The following CCNB3 variants were observed in gnomAD, a reference collection of about 807,000 sequenced individuals.
CCNB3 encodes the protein cyclin B3.
In CCNB3, 12 loss-of-function variants were observed where a neutral mutation model predicts 68.0. That is an observed-to-expected ratio of 0.18 (90% CI 0.11 to 0.29). The LOEUF (loss-of-function observed/expected upper bound fraction) is 0.29, where lower values mean the gene tolerates loss of function less well. Ranked by LOEUF, CCNB3 falls within the 10% of genes least tolerant of loss-of-function variation. The pLI is 1.00. For synonymous variants in CCNB3, 354 were observed against 388.9 expected, an observed-to-expected ratio of 0.91 and a Z score of 1.06; for missense variants, 904 against 993.1, an observed-to-expected ratio of 0.91 and a Z score of 1.21.
At chrX:50,350,651 C>T (rs781841115) in intron 11 of CCNB3, among the ~76,000 whole-genome samples, 3 of 110,242 alleles carry the variant, frequency 2.7e-5, no homozygotes, top group African/African-American at 9.9e-5. Context: ...TTCCTTAGGA[C>T]TGGTGAATTT....
chrX:50,228,786 T>A (rs1176595248), intron 1 of CCNB3, among the ~76,000 whole-genome samples: 1 of 74,269 alleles, frequency 1.3e-5, no homozygotes, highest in South Asian at 6.6e-4. Flanking sequence ...ATATATAGAA[T>A]ATATATATAG....
rs782376142 is a variant in CCNB3, at chrX:50,327,136, G to C, written c.3516+13188G>C. ...CTTCTTGTCCATATTTGTTGTAGCT[G>C]CTTTAAATTACCTGGAGCACTGCCC... On this transcript the variant is annotated intron_variant, in intron 8 of 12. Transcript: ENST00000376042. Among the ~76,000 whole-genome samples the C allele has an allele frequency of 2.7e-5, 3 of 112,163 alleles. No individual in the cohort carries two copies. The East Asian group carries it at 8.4e-4, about 32-fold the overall frequency.
chrX:50,303,376 C>T (rs782510231), intron 5 of CCNB3, among the ~76,000 whole-genome samples: 2 of 110,209 alleles, frequency 1.8e-5, no homozygotes, highest in Admixed American at 9.6e-5. Flanking sequence ...AAACTCCTGA[C>T]CTCAGGTGAT....
intron 8 of CCNB3, among the ~76,000 whole-genome samples, chrX:50,326,785 CACTT>C (rs782534059): frequency 3.1e-4 from 34 of 111,388 alleles, no homozygotes; most frequent in Middle Eastern, 4.6e-3. Flanking sequence ...CATAAATAGA[CACTT>C]ACTCTGATTC....
intron 1 of CCNB3, among the ~76,000 whole-genome samples, chrX:50,214,475 CATAT>C (rs1184201216): frequency 0.13 from 1,205 of 9,474 alleles, 112 homozygotes; most frequent in African/African-American, 0.16. Context: ...AGCTGTGGCC[CATAT>C]ATATATATAT....
chrX:50,217,421 C>T (rs1261128960), intron 1 of CCNB3, among the ~76,000 whole-genome samples: 2 of 108,629 alleles, frequency 1.8e-5, no homozygotes, highest in African/African-American at 6.7e-5. Context: ...TACAGGCGTC[C>T]GCCACCACGT....
intron 1 of CCNB3, among the ~76,000 whole-genome samples, chrX:50,279,674 G>C (rs1377597861): frequency 2.3e-5 from 2 of 85,237 alleles, no homozygotes; most frequent in African/African-American, 8.4e-5. Flanking sequence ...ATATGAATAT[G>C]TACATTCATC....
intron 1 of CCNB3, among the ~76,000 whole-genome samples, chrX:50,211,289 A>G (rs1935478452): frequency 9.0e-6 from 1 of 110,818 alleles, no homozygotes; most frequent in Non-Finnish European, 1.9e-5. Flanking sequence ...ACAAAACAAA[A>G]CACAAAAACC....
At chrX:50,350,749 G>A (rs1203153233) in intron 11 of CCNB3, among the ~76,000 whole-genome samples, 1 of 108,638 alleles carries the variant, frequency 9.2e-6, no homozygotes, top group Non-Finnish European at 1.9e-5. Context: ...AGGCTGGAGT[G>A]CAGTGGTGCG....
intron 5 of CCNB3, among the ~76,000 whole-genome samples, chrX:50,301,929 G>C (rs1421016253): frequency 8.9e-6 from 1 of 112,676 alleles, no homozygotes; most frequent in African/African-American, 3.2e-5. Flanking sequence ...AGGACCCTCC[G>C]AGCCATGTGC....
At chrX:50,218,670 C>T (rs1428508782) in intron 1 of CCNB3, among the ~76,000 whole-genome samples, 2 of 111,879 alleles carry the variant, frequency 1.8e-5, no homozygotes, top group African/African-American at 6.5e-5. Flanking sequence ...TTTTCTTTAT[C>T]CAGTATATCA....
At chrX:50,210,836 T>A (rs1935470380) in intron 1 of CCNB3, among the ~76,000 whole-genome samples, 1 of 111,874 alleles carries the variant, frequency 8.9e-6, no homozygotes, top group African/African-American at 3.2e-5. Flanking sequence ...ATTATAAATA[T>A]AGAAATATAA....
chrX:50,302,211 G>T (rs782176179), intron 5 of CCNB3, among the ~76,000 whole-genome samples: 2 of 111,967 alleles, frequency 1.8e-5, no homozygotes, highest in African/African-American at 6.5e-5. Flanking sequence ...GAAATCACCC[G>T]TCTTCTGCGT....
At chrX:50,347,539 T>A in intron 10 of CCNB3, 87 bp from the exon 11 acceptor site, 1 of 950,683 alleles carries the variant, frequency 1.1e-6, no homozygotes, top group Non-Finnish European at 1.5e-6. Context: ...CCACTGAGGC[T>A]CGGGATGATG....
chrX:50,308,332 A>G (rs781941493), intron 5 of CCNB3, among the ~76,000 whole-genome samples, 173 bp from the exon 6 acceptor site: 2 of 112,347 alleles, frequency 1.8e-5, no homozygotes, highest in Non-Finnish European at 3.8e-5. Context: ...TATACAGTGT[A>G]CTACTTAAGT....
intron 10 of CCNB3, among the ~76,000 whole-genome samples, 189 bp downstream of exon 10, chrX:50,346,996 A>G (rs1346106658): frequency 2.7e-5 from 3 of 111,001 alleles, no homozygotes; most frequent in Non-Finnish European, 5.7e-5. Context: ...GGTGGGGGTG[A>G]GTTGCAGATT....
intron 9 of CCNB3, among the ~76,000 whole-genome samples, chrX:50,345,569 T>G (rs1232567000): frequency 9.0e-6 from 1 of 111,077 alleles, no homozygotes; most frequent in African/African-American, 3.3e-5. Context: ...CTTCCTTTTT[T>G]ACTCTGGGTA....
intron 8 of CCNB3, among the ~76,000 whole-genome samples, chrX:50,318,213 T>TAAA (rs782490765): frequency 3.2e-5 from 3 of 94,217 alleles, no homozygotes; most frequent in Admixed American, 1.2e-4. Context: ...ACTCTATTCT[T>TAAA]AAAAAAAAAA....
chrX:50,279,548 T>A (rs1262670359), intron 1 of CCNB3, among the ~76,000 whole-genome samples: 1 of 85,349 alleles, frequency 1.2e-5, no homozygotes, highest in East Asian at 3.4e-4. Context: ...TATTCATATA[T>A]ATAAATATAT....
Sources: allele counts gnomAD v4.1 joint callset (sites outside exome capture counted in the v4.1 genomes callset), GRCh38; gene constraint gnomAD v4.1.1; transcripts MANE v1.5; gene names NCBI Gene and HGNC (gene_info 2026-07-23, HGNC 2026-07-21).